The following TCF7L2 variants were observed in gnomAD, a reference collection of about 807,000 sequenced individuals.
The protein encoded by TCF7L2 is transcription factor 7 like 2, also known as transcription factor 7-like 2.
In TCF7L2, 23 loss-of-function variants were observed where a neutral mutation model predicts 77.9. That is an observed-to-expected ratio of 0.30 (90% CI 0.21 to 0.42). The LOEUF (loss-of-function observed/expected upper bound fraction) is 0.42. Among genes scored for constraint, TCF7L2 ranks in the 10% least tolerant of loss-of-function variants. TCF7L2 has a pLI of 1.00. For missense variants in TCF7L2, 654 were observed against 793.1 expected (o/e 0.82, Z 2.11); for synonymous variants, 413 against 340.2 (o/e 1.21, Z -2.36).
chr10:112,986,762 T>C (rs536212205), intron 4 of TCF7L2, among the ~76,000 whole-genome samples: 2 of 152,314 alleles, frequency 1.3e-5, no homozygotes, highest in African/African-American at 2.4e-5. Flanking sequence ...GGAAGTGTCA[T>C]GTTTGAGAAC....
At chr10:112,988,191 G>A (rs1026692406) in intron 4 of TCF7L2, among the ~76,000 whole-genome samples, 1 of 151,726 alleles carries the variant, frequency 6.6e-6, no homozygotes, top group African/African-American at 2.4e-5. Context: ...TCTGTCTCCT[G>A]GGTTCAAGCA....
intron 5 of TCF7L2, among the ~76,000 whole-genome samples, chr10:113,124,200 AATTT>A (rs960408498): frequency 7.5e-6 from 1 of 133,166 alleles, no homozygotes; most frequent in Non-Finnish European, 1.7e-5. Context: ...CCTTAAAAAA[AATTT>A]TTTTTATGAG....
chr10:113,046,725 A>G (rs1204277325), intron 5 of TCF7L2, among the ~76,000 whole-genome samples: 1 of 152,204 alleles, frequency 6.6e-6, no homozygotes, highest in East Asian at 1.9e-4. Flanking sequence ...TTTATTTTTA[A>G]ACGTAGCTTT....
intron 4 of TCF7L2, among the ~76,000 whole-genome samples, chr10:112,983,462 G>A (rs534324435): frequency 2.6e-5 from 4 of 152,210 alleles, no homozygotes; most frequent in African/African-American, 4.8e-5. Flanking sequence ...GCGACAGAGC[G>A]AGACTCTGTC....
At chr10:112,951,037 G>A (rs1216691325) in intron 1 of TCF7L2, 92 bp downstream of exon 1, 16 of 1,474,014 alleles carry the variant, frequency 1.1e-5, no homozygotes, top group Non-Finnish European at 1.5e-5. Flanking sequence ...GGCTGGGGGC[G>A]GCGGCGGGGC....
intron 8 of TCF7L2, among the ~76,000 whole-genome samples, chr10:113,146,934 C>G (rs145240195): frequency 6.6e-6 from 1 of 152,196 alleles, no homozygotes; most frequent in African/African-American, 2.4e-5. Context: ...GCTGTACATT[C>G]ATATATATTT....
At position 113,080,604 on chromosome 10, in the gene TCF7L2, C is replaced by T. The variant is rs559832374; in HGVS notation, c.552+40478C>T. Reference sequence around the variant, plus strand: ...TGAATATTTATATCTTTGTATGCTCCCATTGGGATTTCTCCTTTCATAATA... The same window carrying T: ...TGAATATTTATATCTTTGTATGCTCTCATTGGGATTTCTCCTTTCATAATA... On this transcript the variant is annotated intron_variant, in intron 5 of 13. Coordinates refer to ENST00000627217, the MANE Select transcript of TCF7L2 (RefSeq NM_001146274.2). Among the ~76,000 whole-genome samples, 16 of 152,218 alleles carry T rather than the reference C, an allele frequency of 1.1e-4. No homozygotes were observed. The South Asian group carries it at 3.3e-3, about 32-fold the overall frequency.
intron 5 of TCF7L2, among the ~76,000 whole-genome samples, chr10:113,112,245 C>G (rs1410910234): frequency 1.3e-5 from 2 of 152,222 alleles, no homozygotes; most frequent in Non-Finnish European, 2.9e-5. Context: ...TGTATGTTAG[C>G]CTCTGGGTAT....
chr10:113,070,793 T>A (rs1416642518), intron 5 of TCF7L2, among the ~76,000 whole-genome samples: 1 of 152,170 alleles, frequency 6.6e-6, no homozygotes, highest in Admixed American at 6.5e-5. Context: ...GAGATATAAT[T>A]CACATACCTT....
intron 5 of TCF7L2, among the ~76,000 whole-genome samples, chr10:113,076,942 A>G (rs189449133): frequency 6.6e-6 from 1 of 152,372 alleles, no homozygotes; most frequent in African/African-American, 2.4e-5. Flanking sequence ...TCATGCTATT[A>G]AGAATTACAT....
At chr10:113,089,208 AG>A (rs890138739) in intron 5 of TCF7L2, among the ~76,000 whole-genome samples, 56 of 152,272 alleles carry the variant, frequency 3.7e-4, no homozygotes, top group Non-Finnish European at 6.2e-4. Context: ...TGTTCCTAGA[AG>A]GGACCCTGAG....
At chr10:113,078,459 G>T (rs1296769476) in intron 5 of TCF7L2, among the ~76,000 whole-genome samples, 1 of 152,150 alleles carries the variant, frequency 6.6e-6, no homozygotes, top group Non-Finnish European at 1.5e-5. Context: ...GAAGTGCAAT[G>T]GCCCAATCAC....
chr10:113,063,865 G>T lies in TCF7L2; in HGVS notation c.552+23739G>T, dbSNP rs147813811. On this transcript the variant is annotated intron_variant, in intron 5 of 13. Coordinates refer to ENST00000627217, the MANE Select transcript of TCF7L2 (RefSeq NM_001146274.2). ...AGGAAGAGTAGGCAGTAGGAGAAGA[G>T]TGTATGTGTGTGTGCACATGGATGT... 2.3e-3 allele frequency among the ~76,000 whole-genome samples: 341 copies of T among 150,394 alleles called. 3 individuals carry two copies. The highest frequency in any genetic ancestry group is 3.7e-4 in the Non-Finnish European group (25 of 67,732).
At chr10:113,164,454 G>A (rs1212722018) in intron 13 of TCF7L2, among the ~76,000 whole-genome samples, 5 of 152,094 alleles carry the variant, frequency 3.3e-5, no homozygotes, top group Middle Eastern at 3.4e-3. Context: ...TAGTCACTTC[G>A]GTGACCGGCT....
chr10:113,131,115 G>A (rs1004716830), intron 5 of TCF7L2, among the ~76,000 whole-genome samples: 1 of 152,146 alleles, frequency 6.6e-6, no homozygotes, highest in Non-Finnish European at 1.5e-5. Context: ...CTTGAATTTG[G>A]AGGCAATTCC....
chr10:112,962,800 T>C (rs1009657812), intron 3 of TCF7L2, among the ~76,000 whole-genome samples: 6 of 152,146 alleles, frequency 3.9e-5, no homozygotes, highest in Admixed American at 3.3e-4. Context: ...GGTTTCACCA[T>C]GTTGGCCAGG....
At chr10:113,075,393 A>C (rs1041423647) in intron 5 of TCF7L2, among the ~76,000 whole-genome samples, 7 of 151,960 alleles carry the variant, frequency 4.6e-5, no homozygotes, top group African/African-American at 4.8e-5. Flanking sequence ...TGGGAGGTGG[A>C]GTTTACAGTG....
chr10:113,010,664 T>G (rs1489455099), intron 4 of TCF7L2, among the ~76,000 whole-genome samples: 2 of 152,218 alleles, frequency 1.3e-5, no homozygotes, highest in African/African-American at 4.8e-5. Context: ...CTTTATAAAA[T>G]GTAGGAGATA....
chr10:112,961,256 C>CGCCCCCCCCT lies in TCF7L2; in HGVS notation c.382-3300_382-3299insGCCCCCCCCT, dbSNP rs200614227. Among the ~76,000 whole-genome samples, 2 of 61,470 alleles carry CGCCCCCCCCT rather than the reference C, an allele frequency of 3.3e-5. 1 individual carries two copies. The highest frequency in any genetic ancestry group is 1.1e-4 in the African/African-American group (2 of 18,874). The allele number at this position is 61,470 out of a possible 152,430, so 40.3% of individuals were successfully genotyped here. A position where few individuals can be genotyped will look rare whatever the true frequency, so the allele number is the denominator to read the frequency against. ...TCTCGAACTCCCGACCTCAGGTGAC[C>CGCCCCCCCCT]CCCCCCCCCCCAACCTCGGCCTTCC... On this transcript the variant is annotated intron_variant, in intron 3 of 13. Transcript: ENST00000627217.
Sources: gnomAD v4.1 joint callset for allele counts (sites outside exome capture counted in the v4.1 genomes callset) on GRCh38, gnomAD v4.1.1 for gene constraint, MANE v1.5 for transcripts, NCBI Gene and HGNC (gene_info 2026-07-23, HGNC 2026-07-21) for gene names.